The following PPP1R12A variants were observed in gnomAD, a reference collection of about 807,000 sequenced individuals.
PPP1R12A encodes protein phosphatase 1 regulatory subunit 12A, also known as myosin binding subunit.
In PPP1R12A, 19 loss-of-function variants were observed where a neutral mutation model predicts 139.6. The ratio of observed to expected loss-of-function variants is 0.14; its 90% CI spans 0.09 to 0.20. PPP1R12A has a LOEUF of 0.20. Among genes scored for constraint, PPP1R12A ranks in the 10% least tolerant of loss-of-function variants. PPP1R12A has a pLI of 1.00. For synonymous variants in PPP1R12A, 427 were observed against 420.6 expected (o/e 1.02, Z -0.19); for missense variants, 925 against 1,211.5 (o/e 0.76, Z 3.51).
At chr12:79,894,597 T>G (rs1884962474) in intron 1 of PPP1R12A, among the ~76,000 whole-genome samples, 1 of 152,140 alleles carries the variant, frequency 6.6e-6, no homozygotes, top group Admixed American at 6.5e-5. Context: ...TCCTATAAAA[T>G]ATTATGATCA....
intron 1 of PPP1R12A, among the ~76,000 whole-genome samples, chr12:79,886,457 A>G (rs927520951): frequency 6.6e-6 from 1 of 152,206 alleles, no homozygotes; most frequent in Non-Finnish European, 1.5e-5. Flanking sequence ...CTATCCACAC[A>G]ATAATTAAAT....
intron 5 of PPP1R12A, among the ~76,000 whole-genome samples, chr12:79,826,337 GT>G (rs34658905): frequency 0.074 from 8,675 of 117,188 alleles, 211 homozygotes; most frequent in East Asian, 0.22. Flanking sequence ...ATTGTTTCGG[GT>G]TTTTTTTTTT....
chr12:79,909,761 T>C (rs1315909538), intron 1 of PPP1R12A, among the ~76,000 whole-genome samples: 2 of 151,598 alleles, frequency 1.3e-5, no homozygotes, highest in Non-Finnish European at 2.9e-5. Context: ...GCATCCCAAC[T>C]ACAGCCTCTG....
chr12:79,892,524 T>C (rs145360208), intron 1 of PPP1R12A, among the ~76,000 whole-genome samples: 16 of 152,314 alleles, frequency 1.1e-4, no homozygotes, highest in Admixed American at 5.2e-4. Context: ...TTTATACATT[T>C]GCATTGAGGG....
At chr12:79,906,107 T>C (rs947532391) in intron 1 of PPP1R12A, among the ~76,000 whole-genome samples, 2 of 152,110 alleles carry the variant, frequency 1.3e-5, no homozygotes, top group Admixed American at 1.3e-4. Context: ...AAGCATACAA[T>C]AAATATTTAC....
At chr12:79,789,780 T>C in intron 20 of PPP1R12A, 1 of 20,212 alleles carries the variant, frequency 4.9e-5, no homozygotes, top group South Asian at 4.0e-4. Flanking sequence ...AGGTGACACT[T>C]TTTTTTTTTT....
At chr12:79,873,767 T>A (rs776089407) in intron 1 of PPP1R12A, among the ~76,000 whole-genome samples, 1 of 152,164 alleles carries the variant, frequency 6.6e-6, no homozygotes, top group Non-Finnish European at 1.5e-5. Flanking sequence ...TTTTTTATAT[T>A]CTCTGGAACA....
chr12:79,839,295 G>C (rs755771229), intron 3 of PPP1R12A, among the ~76,000 whole-genome samples: 2 of 152,144 alleles, frequency 1.3e-5, no homozygotes, highest in African/African-American at 2.4e-5. Flanking sequence ...TAATTAACTT[G>C]CTTTCAATTT....
chr12:79,922,014 G>GC (rs1887476411), intron 1 of PPP1R12A, among the ~76,000 whole-genome samples: 1 of 152,202 alleles, frequency 6.6e-6, no homozygotes, highest in Admixed American at 6.5e-5. Context: ...ACTTTGGGAT[G>GC]CCAAGGCAGG....
At chr12:79,810,884 CTT>C (rs11399892) in intron 9 of PPP1R12A, among the ~76,000 whole-genome samples, 2 of 148,876 alleles carry the variant, frequency 1.3e-5, no homozygotes, top group Admixed American at 6.7e-5. Flanking sequence ...AATTATAATA[CTT>C]TTTTTTTTAA....
chr12:79,856,928 A>G (rs534770314), intron 2 of PPP1R12A, among the ~76,000 whole-genome samples: 2 of 152,370 alleles, frequency 1.3e-5, no homozygotes, highest in East Asian at 3.9e-4. Flanking sequence ...AAGTTTTAAC[A>G]AAGAAATGGT....
At chr12:79,788,604 T>A in intron 21 of PPP1R12A, 44 bp downstream of exon 21, 3 of 1,514,052 alleles carry the variant, frequency 2.0e-6, no homozygotes, top group Non-Finnish European at 2.7e-6. Context: ...TATCTCAACA[T>A]AAAAGATAAC....
intron 4 of PPP1R12A, among the ~76,000 whole-genome samples, chr12:79,831,526 A>G (rs546564434): frequency 4.6e-5 from 7 of 152,272 alleles, no homozygotes; most frequent in Non-Finnish European, 8.8e-5. Context: ...CAAGAGGAGG[A>G]AACTTGGGAA....
intron 1 of PPP1R12A, among the ~76,000 whole-genome samples, chr12:79,921,197 A>G (rs1887410425): frequency 6.6e-6 from 1 of 152,178 alleles, no homozygotes; most frequent in Non-Finnish European, 1.5e-5. Context: ...GAGGAGATGT[A>G]CTGTATGCAA....
chr12:79,867,360 C>T (rs539290641), intron 2 of PPP1R12A, among the ~76,000 whole-genome samples: 1 of 152,064 alleles, frequency 6.6e-6, no homozygotes, highest in South Asian at 2.1e-4. Context: ...GGAGAAATAC[C>T]CAATGTAGGT....
At chr12:79,911,547 C>A (rs761671265) in intron 1 of PPP1R12A, among the ~76,000 whole-genome samples, 1 of 152,122 alleles carries the variant, frequency 6.6e-6, no homozygotes, top group Admixed American at 6.5e-5. Flanking sequence ...CCCCATGACA[C>A]GCAGTTTAAC....
At chr12:79,828,580 T>G in intron 4 of PPP1R12A, 116 bp from the exon 5 acceptor site, 1 of 838,760 alleles carries the variant, frequency 1.2e-6, no homozygotes. Context: ...TTTTCAGAAT[T>G]TACATCCTTC....
intron 1 of PPP1R12A, 76 bp downstream of exon 1, chr12:79,934,619 G>C: frequency 7.6e-7 from 1 of 1,315,368 alleles, no homozygotes; most frequent in Non-Finnish European, 1.0e-6. Flanking sequence ...AAGAGGTGGA[G>C]AACTGAGGGC....
At position 79,797,581 on chromosome 12, in the gene PPP1R12A, G is replaced by A. The variant is rs145559260; in HGVS notation, c.2092-186C>T. Among the ~76,000 whole-genome samples the A allele has an allele frequency of 3.9e-5, 6 of 152,162 alleles. No individual in the cohort carries two copies. In the East Asian group the frequency reaches 1.2e-3, roughly 29 times the overall value. Reference sequence around the variant, plus strand: ...AAGAATCACCATTAGCAAGCACAACGATAGGTACTGGATACTCTATGCATA... The same window carrying A: ...AAGAATCACCATTAGCAAGCACAACAATAGGTACTGGATACTCTATGCATA... On this transcript the variant is annotated intron_variant, in intron 15 of 24. Transcript: ENST00000450142.
Sources: allele counts gnomAD v4.1 joint callset (sites outside exome capture counted in the v4.1 genomes callset), GRCh38; gene constraint gnomAD v4.1.1; transcripts MANE v1.5; gene names NCBI Gene and HGNC (gene_info 2026-07-23, HGNC 2026-07-21).